The following LINGO2 variants were observed in gnomAD, a reference collection of about 807,000 sequenced individuals.
LINGO2 encodes the protein leucine rich repeat and Ig domain containing 2.
Under a neutral mutation model 30.6 loss-of-function variants are expected in LINGO2, and 14 were observed. The ratio of observed to expected loss-of-function variants is 0.46; its 90% CI spans 0.30 to 0.72. LINGO2 has a LOEUF of 0.72. Among genes scored for constraint, LINGO2 ranks in the 30% least tolerant of loss-of-function variants. The probability of loss-of-function intolerance (pLI) is 0.07; values close to 1 mark genes in which losing one functional copy is unlikely to be tolerated. For missense variants in LINGO2, 729 were observed against 751.7 expected (o/e 0.97, Z 0.35); for synonymous variants, 317 against 288.5 (o/e 1.10, Z -1.00).
intron 1 of LINGO2, among the ~76,000 whole-genome samples, chr9:28,512,596 T>G (rs1416271722): frequency 0.031 from 64 of 2,076 alleles, 1 homozygote; most frequent in South Asian, 0.086. Flanking sequence ...TATGTGTGTA[T>G]ATATATATAT....
the LINGO2 span, among the ~76,000 whole-genome samples, chr9:28,949,664 C>T: frequency 1.3e-4 from 20 of 152,058 alleles, no homozygotes; most frequent in African/African-American, 3.4e-4. Flanking sequence ...GATTCACAGC[C>T]GAATTCTACC....
the LINGO2 span, among the ~76,000 whole-genome samples, chr9:29,075,090 G>A: frequency 6.6e-6 from 1 of 152,136 alleles, no homozygotes; most frequent in Non-Finnish European, 1.5e-5. Flanking sequence ...TTTGAAAAAT[G>A]CATTCTTAAT....
At chr9:28,715,199 C>G in the LINGO2 span, among the ~76,000 whole-genome samples, 1 of 152,214 alleles carries the variant, frequency 6.6e-6, no homozygotes, top group South Asian at 2.1e-4. Flanking sequence ...CATATTGAAG[C>G]CATTTAGGAT....
intron 4 of LINGO2, among the ~76,000 whole-genome samples, chr9:28,087,581 T>A (rs994367): frequency 0.44 from 66,415 of 151,684 alleles, 14,770 homozygotes; most frequent in East Asian, 0.68. Flanking sequence ...ATCTGGGGAA[T>A]CTTTTCCTGG....
At chr9:28,369,602 G>C (rs1481510620) in intron 3 of LINGO2, among the ~76,000 whole-genome samples, 1 of 152,134 alleles carries the variant, frequency 6.6e-6, no homozygotes, top group African/African-American at 2.4e-5. Context: ...AAATCAGACA[G>C]GTAGGTGGGT....
At chr9:29,028,254 T>C in the LINGO2 span, among the ~76,000 whole-genome samples, 1 of 152,072 alleles carries the variant, frequency 6.6e-6, no homozygotes, top group Non-Finnish European at 1.5e-5. Flanking sequence ...AAAAAGCAGA[T>C]CAATATTAGA....
At chr9:28,153,426 AT>A (rs2133564824) in intron 4 of LINGO2, among the ~76,000 whole-genome samples, 1 of 152,272 alleles carries the variant, frequency 6.6e-6, no homozygotes, top group Non-Finnish European at 1.5e-5. Flanking sequence ...TGTCTAGATT[AT>A]TTATTGCTGT....
At chr9:29,196,942 A>T in the LINGO2 span, among the ~76,000 whole-genome samples, 3 of 151,934 alleles carry the variant, frequency 2.0e-5, no homozygotes, top group Non-Finnish European at 2.9e-5. Context: ...CTCACTACCA[A>T]GATATGTGAG....
At chr9:28,066,375 A>G (rs1484523221) in intron 4 of LINGO2, among the ~76,000 whole-genome samples, 1 of 152,086 alleles carries the variant, frequency 6.6e-6, no homozygotes, top group Non-Finnish European at 1.5e-5. Context: ...ATGATTATTA[A>G]ATCTATGTTC....
At chr9:28,183,105 C>T (rs1435153466) in intron 4 of LINGO2, among the ~76,000 whole-genome samples, 3 of 152,142 alleles carry the variant, frequency 2.0e-5, no homozygotes, top group Non-Finnish European at 4.4e-5. Context: ...ACATACACAC[C>T]ATAGAATACT....
chr9:28,350,309 A>C (rs1819806570), intron 3 of LINGO2, among the ~76,000 whole-genome samples: 1 of 143,720 alleles, frequency 7.0e-6, no homozygotes, highest in Admixed American at 7.0e-5. Context: ...AGGAAGATCT[A>C]CCAAGCCAAT....
chr9:28,085,881 TATAA>T (rs1825899063), intron 4 of LINGO2, among the ~76,000 whole-genome samples: 1 of 152,114 alleles, frequency 6.6e-6, no homozygotes, highest in Admixed American at 6.6e-5. Flanking sequence ...CGTGAGTGTC[TATAA>T]ATAAAATGAG....
chr9:28,662,146 A>T (rs1025970198), intron 1 of LINGO2, among the ~76,000 whole-genome samples: 4 of 152,160 alleles, frequency 2.6e-5, no homozygotes, highest in African/African-American at 9.7e-5. Flanking sequence ...CATGTGGAAC[A>T]TGCACTCAGA....
the LINGO2 span, among the ~76,000 whole-genome samples, chr9:28,954,992 G>C: frequency 6.6e-6 from 1 of 152,188 alleles, no homozygotes; most frequent in Middle Eastern, 3.4e-3. Flanking sequence ...CAAAAACCCT[G>C]AATCAACTGA....
At chr9:28,817,193 C>T in the LINGO2 span, among the ~76,000 whole-genome samples, 9 of 151,584 alleles carry the variant, frequency 5.9e-5, no homozygotes, top group East Asian at 3.9e-4. Context: ...AACTTTAATA[C>T]GTAGTTCAGT....
the LINGO2 span, among the ~76,000 whole-genome samples, chr9:29,190,106 T>C: frequency 6.6e-6 from 1 of 151,956 alleles, no homozygotes; most frequent in African/African-American, 2.4e-5. Context: ...ACTTAATCAG[T>C]TTCATTATCA....
chr9:28,660,680 T>C (rs1032360317), intron 1 of LINGO2, among the ~76,000 whole-genome samples: 1 of 152,070 alleles, frequency 6.6e-6, no homozygotes, highest in Non-Finnish European at 1.5e-5. Context: ...ATTCAGGATA[T>C]GTTAATTTTT....
chr9:28,987,526 T>C, the LINGO2 span, among the ~76,000 whole-genome samples: 4 of 152,010 alleles, frequency 2.6e-5, no homozygotes, highest in South Asian at 6.2e-4. Context: ...ATTTTTCTAG[T>C]CCGTATTTCA....
intron 5 of LINGO2, among the ~76,000 whole-genome samples, chr9:27,953,930 G>C (rs964022058): frequency 6.6e-6 from 1 of 152,098 alleles, no homozygotes; most frequent in Admixed American, 6.6e-5. Context: ...ATATAATAAA[G>C]ATGTTGACAA....
Sources: allele counts gnomAD v4.1 joint callset (sites outside exome capture counted in the v4.1 genomes callset), GRCh38; gene constraint gnomAD v4.1.1; transcripts MANE v1.5; gene names NCBI Gene and HGNC (gene_info 2026-07-23, HGNC 2026-07-21).